The following DDX52 variants were observed in gnomAD, a reference collection of about 807,000 sequenced individuals.
DDX52 encodes DExD-box helicase 52.
In DDX52, 59 loss-of-function variants were observed where a neutral mutation model predicts 76.1. The ratio of observed to expected loss-of-function variants is 0.78; its 90% CI spans 0.63 to 0.96. The LOEUF (loss-of-function observed/expected upper bound fraction) is 0.96, where lower values mean the gene tolerates loss of function less well. DDX52 is among the 40% of genes least tolerant of loss of function. The probability of loss-of-function intolerance (pLI) is 0.00; values close to 1 mark genes in which losing one functional copy is unlikely to be tolerated. For missense variants in DDX52, 707 were observed against 703.9 expected (o/e 1.00, Z -0.05); for synonymous variants, 231 against 244.1 (o/e 0.95, Z 0.50).
chr17:37,619,705 A>G, intron 13 of DDX52, 63 bp downstream of exon 13: 1 of 1,489,020 alleles, frequency 6.7e-7, no homozygotes, highest in Middle Eastern at 2.1e-4. Context: ...GAGCAAGAAA[A>G]AAAAAAAAAA....
chr17:37,627,590 T>C (rs1389431462), intron 6 of DDX52, among the ~76,000 whole-genome samples: 1 of 150,706 alleles, frequency 6.6e-6, no homozygotes, highest in African/African-American at 2.5e-5. Flanking sequence ...TTTTCAAATC[T>C]TTTTTTCCCC....
In DDX52 at chr17:37,643,334, C is replaced by T. The variant is rs2147375721; in HGVS notation, c.87G>A (p.Gln29=). The T allele has an allele frequency of 1.2e-6, 2 of 1,613,746 alleles. No homozygotes were observed. The highest frequency in any genetic ancestry group is 1.7e-6 in the Non-Finnish European group (2 of 1,179,726). The change falls in exon 1 of 15, where the codon CAG becomes CAA. Residue 29 remains glutamine, a splice_region_variant and synonymous_variant. Coordinates refer to ENST00000617633, the MANE Select transcript of DDX52 (RefSeq NM_007010.5). ...GCCCTCGGTCCCTTGGGCACAGTAC[C>T]TGGAATCGAGCTGCGTCTGCCGAGA... ...RRFSADAARF[Q]IGKRKYDFDS...
intron 9 of DDX52, 50 bp downstream of exon 9, chr17:37,624,294 A>G (rs749622554): frequency 7.5e-6 from 11 of 1,473,680 alleles, no homozygotes; most frequent in South Asian, 7.2e-5. Flanking sequence ...CACTAGTAAT[A>G]TAAGACTTGG....
rs188200699 is a variant in DDX52 at position 37,632,098 on chromosome 17, G to C, written c.603+15C>G. On this transcript the variant is annotated intron_variant, in intron 4 of 14. Transcript: ENST00000617633. ...AGGAAGGAATGTTACAGGCATTCTA[G>C]ATCTTCATACTCACATGCAGCATAA... 1.2e-6 allele frequency: 2 copies of C among 1,612,618 alleles called. No individual in the cohort carries two copies. Among genetic ancestry groups the C allele is most frequent in the East Asian group, 4.5e-5 (2 of 44,860 alleles).
intron 2 of DDX52, among the ~76,000 whole-genome samples, chr17:37,641,648 A>G (rs1408657691): frequency 1.3e-5 from 2 of 151,906 alleles, no homozygotes; most frequent in Admixed American, 6.6e-5. Flanking sequence ...GAGGCAGGAG[A>G]ATTGCTTGAA....
At chr17:37,631,972 C>T in intron 4 of DDX52, 141 bp downstream of exon 4, 2 of 1,145,112 alleles carry the variant, frequency 1.7e-6, no homozygotes, top group Non-Finnish European at 2.5e-6. Flanking sequence ...GAGGCACAGG[C>T]ATTTGATGAA....
rs376605490 is a variant in DDX52, at chr17:37,625,939, G to A, written c.1092C>T (p.Cys364=). The change falls in exon 8 of 15, where the codon TGC becomes TGT. Residue 364 remains cysteine, a synonymous_variant. Transcript: ENST00000617633. ...ATFAYDVEQW[C]KLNLDNVISV... is the part of the protein sequence containing the mutation. ...TGATGACATTGTCCAGGTTGAGTTT[G>A]CACCACTGTTCAACATCATATGCAA... is the stretch of plus-strand genomic sequence containing the variant. The A allele has an allele frequency of 1.2e-6, 2 of 1,613,950 alleles. No individual in the cohort carries two copies. Among genetic ancestry groups the A allele is most frequent in the African/African-American group, 2.7e-5 (2 of 74,880 alleles).
At chr17:37,617,988 G>A (rs1263196577) in intron 14 of DDX52, among the ~76,000 whole-genome samples, 2 of 152,078 alleles carry the variant, frequency 1.3e-5, no homozygotes, top group Non-Finnish European at 2.9e-5. Context: ...GGTGGCGGGA[G>A]CCTGTAATCC....
intron 2 of DDX52, chr17:37,639,317 AC>A: frequency 2.4e-6 from 2 of 830,634 alleles, no homozygotes; most frequent in Non-Finnish European, 2.9e-6. Flanking sequence ...AAAGTCTCAT[AC>A]CTTGCTGGAA....
intron 12 of DDX52, 93 bp downstream of exon 12, chr17:37,620,780 A>C: frequency 8.0e-7 from 1 of 1,253,112 alleles, no homozygotes; most frequent in Non-Finnish European, 1.1e-6. Flanking sequence ...AATTTGGGAC[A>C]TAGCCATTTT....
chr17:37,626,735 A>G (rs1469406453), intron 7 of DDX52, 53 bp downstream of exon 7: 3 of 1,555,272 alleles, frequency 1.9e-6, no homozygotes, highest in Non-Finnish European at 2.6e-6. Flanking sequence ...AGGACAAAAT[A>G]TAATTAACTA....
Position 37,633,438 on chromosome 17 carries a change from A to G in DDX52, c.287-20T>C. On this transcript the variant is annotated intron_variant, in intron 2 of 14. Coordinates refer to ENST00000617633, the MANE Select transcript of DDX52 (RefSeq NM_007010.5). Reference sequence around the variant, plus strand: ...CAATTTCTAAAATATATTTTTAAAAAGTAAAAGATTTTAACAGTCTAGGCA... The same window carrying G: ...CAATTTCTAAAATATATTTTTAAAAGGTAAAAGATTTTAACAGTCTAGGCA... The G allele has an allele frequency of 6.5e-7, 1 of 1,536,056 alleles. No homozygotes were observed. Among genetic ancestry groups the G allele is most frequent in the Non-Finnish European group, 8.7e-7 (1 of 1,148,038 alleles).
chr17:37,638,272 T>C (rs1250051009), intron 2 of DDX52, among the ~76,000 whole-genome samples: 1 of 152,234 alleles, frequency 6.6e-6, no homozygotes, highest in Non-Finnish European at 1.5e-5. Context: ...GCCAAAGCTT[T>C]AGTAGAAATT....
chr17:37,623,952 T>A (rs1598755861), intron 9 of DDX52: 1 of 154,204 alleles, frequency 6.5e-6, no homozygotes. Flanking sequence ...CCACTCAGTG[T>A]CCTACAACAC....
rs573513328 is a variant in DDX52, at chr17:37,641,351, G to A, written c.286+759C>T. 3.3e-5 allele frequency among the ~76,000 whole-genome samples: 5 copies of A among 151,388 alleles called. No individual in the cohort carries two copies. In the East Asian group the frequency reaches 7.8e-4, roughly 24 times the overall value. ...CAGGAGGCGGAGCTTGCAGTGAGCCGAGATTGCACCACTGCACCACAGACT... is the reference window on the plus strand; with the variant it reads ...CAGGAGGCGGAGCTTGCAGTGAGCCAAGATTGCACCACTGCACCACAGACT... On this transcript the variant is annotated intron_variant, in intron 2 of 14. Coordinates refer to ENST00000617633, the MANE Select transcript of DDX52 (RefSeq NM_007010.5).
At chr17:37,622,181 C>T (rs761318157) in intron 9 of DDX52, among the ~76,000 whole-genome samples, 26 of 151,374 alleles carry the variant, frequency 1.7e-4, no homozygotes, top group Non-Finnish European at 2.9e-4. Flanking sequence ...TTTTTTACTA[C>T]ATCTGATGTC....
At chr17:37,635,576 T>C (rs559972843) in intron 2 of DDX52, 3 of 455,368 alleles carry the variant, frequency 6.6e-6, no homozygotes, top group African/African-American at 4.0e-5. Flanking sequence ...TAGTATTCCA[T>C]TGTAATGGAT....
intron 12 of DDX52, 195 bp from the exon 13 acceptor site, chr17:37,620,034 T>C (rs1425519968): frequency 9.6e-6 from 5 of 522,178 alleles, no homozygotes; most frequent in Non-Finnish European, 1.7e-5. Flanking sequence ...CTGAAATTAA[T>C]GCACTGATGA....
chr17:37,618,304 G>C lies in DDX52; in HGVS notation c.1730C>G (p.Ala577Gly). ...STTPKCFLEK[A>G]KDKQKKVTGQ... The stretch of plus-strand genomic sequence containing the variant: ...ACCACATACTTACTGTTTATCCTTA[G>C]CTTTTTCTAAGAAACATTTTGGAGT... Residue 577 changes from alanine to glycine, a missense_variant, in exon 14 of 15, where the codon GCT (alanine) becomes GGT (glycine). Coordinates refer to ENST00000617633, the MANE Select transcript of DDX52 (RefSeq NM_007010.5). The C allele has an allele frequency of 6.3e-7, 1 of 1,599,098 alleles. No homozygotes were observed. Among genetic ancestry groups the C allele is most frequent in the South Asian group, 1.1e-5 (1 of 86,986 alleles).
Sources: allele counts gnomAD v4.1 joint callset (sites outside exome capture counted in the v4.1 genomes callset), GRCh38; gene constraint gnomAD v4.1.1; transcripts MANE v1.5; gene names NCBI Gene and HGNC (gene_info 2026-07-23, HGNC 2026-07-21).